KIFC3: variants seen among roughly 807,000 people sequenced by gnomAD.
The protein encoded by KIFC3 is kinesin-like protein KIFC3.
A neutral mutation model predicts 101.8 loss-of-function variants in KIFC3; 60 were observed. That is an observed-to-expected ratio of 0.59 (90% confidence interval 0.48 to 0.73). The LOEUF is 0.73. Among genes scored for constraint, KIFC3 ranks in the 30% least tolerant of loss-of-function variants. KIFC3 has a pLI of 0.00. For synonymous variants in KIFC3, 476 were observed against 482.7 expected (o/e 0.99, Z 0.18); for missense variants, 966 against 1,137.1 (o/e 0.85, Z 2.16).
At chr16:57,848,624 T>C (rs1307318758) in intron 1 of KIFC3, among the ~76,000 whole-genome samples, 5 of 152,152 alleles carry the variant, frequency 3.3e-5, no homozygotes, top group African/African-American at 1.2e-4. Flanking sequence ...ATAAGACCTG[T>C]CTCAAAAAAT....
upstream of KIFC3, among the ~76,000 whole-genome samples, chr16:57,805,283 C>CA (rs1555626700): frequency 6.6e-6 from 1 of 152,112 alleles, no homozygotes; most frequent in East Asian, 1.9e-4. Flanking sequence ...ATGCCCATCC[C>CA]AGTTGTTGGA....
chr16:57,854,621 C>A (rs1391169458), intron 1 of KIFC3, among the ~76,000 whole-genome samples: 1 of 129,290 alleles, frequency 7.7e-6, no homozygotes, highest in Non-Finnish European at 1.7e-5. Flanking sequence ...GAGCAAGACT[C>A]CGTCTCAGAA....
At position 57,758,488 on chromosome 16, in the gene KIFC3, C is replaced by G; in HGVS notation, c.*446G>C. 1 of 427,048 alleles carries G rather than the reference C, an allele frequency of 2.3e-6. No homozygotes were observed. Among genetic ancestry groups the G allele is most frequent in the Admixed American group, 3.4e-5 (1 of 29,574 alleles). The allele number at this position is 427,048 out of a possible 1,614,324, so 26.5% of individuals were successfully genotyped here. Reference sequence around the variant, plus strand: ...GAGGGCTGCCATTGGTGCCACCAACCCACCCCAGTCCCCATGGTTCTTGGG... The same window carrying G: ...GAGGGCTGCCATTGGTGCCACCAACGCACCCCAGTCCCCATGGTTCTTGGG... On this transcript the variant is annotated 3_prime_UTR_variant, in exon 20 of 20. Coordinates refer to ENST00000445690, the MANE Select transcript of KIFC3 (RefSeq NM_001130100.2).
At chr16:57,814,921 C>CCGCTA (rs1555628482) in intron 1 of KIFC3, among the ~76,000 whole-genome samples, 3 of 132,284 alleles carry the variant, frequency 2.3e-5, no homozygotes, top group Non-Finnish European at 3.3e-5. Flanking sequence ...CATGCCTGGC[C>CCGCTA]TATTATTGCC....
At chr16:57,795,877 C>T (rs111933483) in intron 2 of KIFC3, among the ~76,000 whole-genome samples, 15,765 of 81,130 alleles carry the variant, frequency 0.19, 1,021 homozygotes, top group Middle Eastern at 0.3. Flanking sequence ...TTTTTTTGGG[C>T]TTTTTTGTTT....
At chr16:57,766,196 C>T (rs1393851687) in intron 10 of KIFC3, among the ~76,000 whole-genome samples, 4 of 152,166 alleles carry the variant, frequency 2.6e-5, no homozygotes, top group African/African-American at 9.7e-5. Flanking sequence ...TCCCTGTGCT[C>T]TTGGAATGAA....
intron 3 of KIFC3, chr16:57,774,412 A>C (rs2051733173): frequency 6.6e-6 from 1 of 152,398 alleles, no homozygotes; most frequent in Non-Finnish European, 1.5e-5. Flanking sequence ...AAGGCTCATC[A>C]ACATATTAAG....
At chr16:57,824,314 G>A (rs2055415826) in intron 1 of KIFC3, among the ~76,000 whole-genome samples, 1 of 152,208 alleles carries the variant, frequency 6.6e-6, no homozygotes, top group South Asian at 2.1e-4. Flanking sequence ...AGGGCAGACT[G>A]GACATCTCAG....
intron 3 of KIFC3, among the ~76,000 whole-genome samples, chr16:57,780,553 T>C (rs1412759406): frequency 1.4e-5 from 2 of 140,728 alleles, no homozygotes; most frequent in South Asian, 4.8e-4. Context: ...GTAAATTTTA[T>C]GTTACGTCTA....
chr16:57,769,889 C>T lies in KIFC3; in HGVS notation c.1006G>A (p.Glu336Lys). Residue 336 changes from glutamate (E) to lysine (K), a missense_variant, in exon 8 of 20, where the codon GAA (glutamate) becomes AAA (lysine). Coordinates refer to ENST00000445690, the MANE Select transcript of KIFC3 (RefSeq NM_001130100.2). This position sits in a 1 kb window ranked among gnomAD's most constrained non-coding sequence, Gnocchi z 4.3. ...TCAATGGCCCGGTTCTTGTCCTCTT[C>T]CAGGGACTGCATCTCCTCCAGCATC... ...GQMLEEMQSL[E>K]EDKNRAIEEA... The T allele has an allele frequency of 3.7e-6, 6 of 1,613,964 alleles. No homozygotes were observed. The highest frequency in any genetic ancestry group is 5.1e-6 in the Non-Finnish European group (6 of 1,180,044).
At chr16:57,766,608 G>A (rs1042058093) in intron 10 of KIFC3, among the ~76,000 whole-genome samples, 2 of 152,126 alleles carry the variant, frequency 1.3e-5, no homozygotes, top group Non-Finnish European at 2.9e-5. Flanking sequence ...CACACCCCTC[G>A]GCTACCCAGG....
chr16:57,840,379 T>G (rs1178235831), intron 1 of KIFC3, among the ~76,000 whole-genome samples: 5 of 151,904 alleles, frequency 3.3e-5, no homozygotes, highest in African/African-American at 1.2e-4. Flanking sequence ...CAGTGGCTCA[T>G]CCTATAATTC....
intron 2 of KIFC3, among the ~76,000 whole-genome samples, chr16:57,795,884 G>GT (rs797031930): frequency 0.019 from 1,142 of 58,730 alleles, 88 homozygotes; most frequent in African/African-American, 0.048. Flanking sequence ...GGGCTTTTTT[G>GT]TTTTTTTTTT....
intron 1 of KIFC3, chr16:57,810,561 G>A (rs960904576): frequency 4.8e-6 from 3 of 618,578 alleles, no homozygotes; most frequent in Non-Finnish European, 6.1e-6. Flanking sequence ...AGGATCCTGC[G>A]GTTCCAGTGG....
chr16:57,822,957 G>A (rs1472560849), intron 1 of KIFC3, among the ~76,000 whole-genome samples: 1 of 109,068 alleles, frequency 9.2e-6, no homozygotes, highest in Non-Finnish European at 1.8e-5. Flanking sequence ...AAATTCTAAG[G>A]TCCCCCCCAA....
intron 3 of KIFC3, among the ~76,000 whole-genome samples, chr16:57,777,907 A>G (rs1369784274): frequency 6.6e-6 from 1 of 152,256 alleles, no homozygotes; most frequent in Non-Finnish European, 1.5e-5. Context: ...AATCTTTTCA[A>G]CAAATGGTGC....
At chr16:57,844,246 A>G (rs1008777765) in intron 1 of KIFC3, among the ~76,000 whole-genome samples, 2 of 151,830 alleles carry the variant, frequency 1.3e-5, no homozygotes, top group Admixed American at 6.6e-5. Flanking sequence ...CCTGGCCAAC[A>G]TGGGGAAGCC....
chr16:57,827,894 C>T (rs184462747), intron 1 of KIFC3, among the ~76,000 whole-genome samples: 186 of 152,348 alleles, frequency 1.2e-3, no homozygotes, highest in African/African-American at 4.3e-3. Context: ...ACTAACTACA[C>T]ACCAGGTGCC....
chr16:57,814,043 C>G (rs1555628307), intron 1 of KIFC3, among the ~76,000 whole-genome samples: 1 of 152,164 alleles, frequency 6.6e-6, no homozygotes, highest in African/African-American at 2.4e-5. Context: ...CACACTGCCT[C>G]TCAAGGGCAC....
Sources: gnomAD v4.1 joint callset for allele counts (sites outside exome capture counted in the v4.1 genomes callset) on GRCh38, gnomAD v4.1.1 for gene constraint, Gnocchi (gnomAD v3.1) non-coding constraint, MANE v1.5 for transcripts, NCBI Gene and HGNC (gene_info 2026-07-23, HGNC 2026-07-21) for gene names.